The following CTSF variants were observed in gnomAD, a reference collection of about 807,000 sequenced individuals.
The protein encoded by CTSF is cathepsin F.
Under a neutral mutation model 63.5 loss-of-function variants are expected in CTSF, and 65 were observed. The observed-to-expected ratio is 1.02, with a 90% CI of 0.84 to 1.26. The LOEUF (loss-of-function observed/expected upper bound fraction) is 1.26. Among genes scored for constraint, CTSF ranks in the 50% most tolerant of loss-of-function variants. The pLI is 0.00. For synonymous variants in CTSF, 256 were observed against 258.1 expected (o/e 0.99, Z 0.08); for missense variants, 641 against 631.0 (o/e 1.02, Z -0.17).
In CTSF at chr11:66,567,655, C is replaced by G. The variant is rs765914720; in HGVS notation, c.320G>C (p.Ser107Thr). 4.3e-6 allele frequency: 7 copies of G among 1,613,570 alleles called. No homozygotes were observed. In the South Asian group the frequency reaches 7.7e-5, roughly 18 times the overall value. Residue 107 changes from serine to threonine, a missense_variant, in exon 3 of 13, where the codon AGC becomes ACC. Ser to Thr is a moderately conservative substitution (Grantham distance 58, BLOSUM62 1). Coordinates refer to ENST00000310325, the MANE Select transcript of CTSF (RefSeq NM_003793.4). ...TCCGAGCTCATCCAGGACTTGGAAG[C>G]TGCAGAGCTGGAGGGAGAGGAAGAA... ...LPVSKKTLLCSFQVLDELGRH... is the reference protein window; with the variant it reads ...LPVSKKTLLCTFQVLDELGRH...
rs140002533 is a variant in CTSF, at chr11:66,566,109, C to T, written c.780G>A (p.Lys260=). ...CACCCACAGACTTGGCTTGCTTCAT[C>T]TTGTTGCCAGGCTCTTTCCTCAGGA... is the stretch of plus-strand genomic sequence containing the variant. The part of the protein sequence containing the change: ...NTLLRKEPGN[K]MKQAKSVGDL... The change falls in exon 6 of 13, where the codon AAG becomes AAA. Residue 260 remains lysine, a synonymous_variant. Transcript: ENST00000310325. 392 of 1,614,156 alleles carry T rather than the reference C, an allele frequency of 2.4e-4. No individual in the cohort carries two copies. Among genetic ancestry groups the T allele is most frequent in the Non-Finnish European group, 3.2e-4 (376 of 1,180,018 alleles).
rs1241025829 is a variant in CTSF, at chr11:66,564,156, A to G, written c.1322-10T>C. 5 of 1,608,680 alleles carry G rather than the reference A, an allele frequency of 3.1e-6. No individual in the cohort carries two copies. Among genetic ancestry groups the G allele is most frequent in the Non-Finnish European group, 3.4e-6 (4 of 1,177,636 alleles). On this transcript the variant is annotated splice_polypyrimidine_tract_variant and intron_variant, in intron 11 of 12. Coordinates refer to ENST00000310325, the MANE Select transcript of CTSF (RefSeq NM_003793.4). ...AAGGGAACGTCAGAGCCTGGGGTGC[A>G]GTGCAGAGCGCAAGGATCAGGGTCC...
intron 11 of CTSF, 59 bp downstream of exon 11, chr11:66,564,499 G>A: frequency 7.1e-7 from 1 of 1,411,390 alleles, no homozygotes. Context: ...GACCTGAGAT[G>A]CTGTGATCCC....
rs1127894 is a variant in CTSF, at chr11:66,568,077, A to C, written c.219T>G (p.Gly73=). 8 of 1,584,308 alleles carry C rather than the reference A, an allele frequency of 5.0e-6. No homozygotes were observed. Among genetic ancestry groups the C allele is most frequent in the East Asian group, 4.7e-5 (2 of 42,874 alleles). Residue 73 remains glycine, a synonymous_variant, in exon 2 of 13, where the codon GGT becomes GGG. Transcript: ENST00000310325. ...GLVRGRVRRA[G]QGSLYSLEAT... ...CCTCCAGGGAGTACAGCGACCCCTGACCCGCCTGGAGAGAGGAGTAGGTGA... is the reference window on the plus strand; with the variant it reads ...CCTCCAGGGAGTACAGCGACCCCTGCCCCGCCTGGAGAGAGGAGTAGGTGA...
At position 66,568,413 on chromosome 11, in the gene CTSF, C is replaced by T; in HGVS notation, c.74G>A (p.Arg25Gln). 1 of 1,334,406 alleles carries T rather than the reference C, an allele frequency of 7.5e-7. No individual in the cohort carries two copies. The highest frequency in any genetic ancestry group is 9.5e-7 in the Non-Finnish European group (1 of 1,051,478). 82.7% of individuals were successfully genotyped at this position (1,334,406 alleles called of 1,614,324 possible). The change falls in exon 1 of 13, where the codon CGA (arginine) becomes CAA (glutamine). Residue 25 changes from arginine (R) to glutamine (Q), a missense_variant. Arg to Gln is a conservative substitution (Grantham distance 43, BLOSUM62 1). Coordinates refer to ENST00000310325, the MANE Select transcript of CTSF (RefSeq NM_003793.4). ...PGAVAAPAQP[R>Q]AASFQAWGPP... ...CCCCCAGGCCTGAAAGCTGGCGGCT[C>T]GGGGCTGGGCGGGGGCGGCCACTGC...
Position 66,563,627 on chromosome 11 carries a change from T to C in CTSF, c.*306A>G. ...GAGCTGGGCTTAAGATCAGAAAATTTTCTTCCTGCTCATTACCCAAGCCCA... is the reference window on the plus strand; with the variant it reads ...GAGCTGGGCTTAAGATCAGAAAATTCTCTTCCTGCTCATTACCCAAGCCCA... On this transcript the variant is annotated 3_prime_UTR_variant, in exon 13 of 13. Coordinates refer to ENST00000310325, the MANE Select transcript of CTSF (RefSeq NM_003793.4). 1 of 542,136 alleles carries C rather than the reference T, an allele frequency of 1.8e-6. No individual in the cohort carries two copies. Among genetic ancestry groups the C allele is most frequent in the Non-Finnish European group, 3.3e-6 (1 of 303,018 alleles). 33.6% of individuals were successfully genotyped at this position (542,136 alleles called of 1,614,324 possible).
intron 1 of CTSF, 95 bp downstream of exon 1, chr11:66,568,179 G>C (rs1332879959): frequency 1.3e-6 from 2 of 1,539,440 alleles, no homozygotes; most frequent in East Asian, 2.4e-5. Context: ...ACCAGAGATC[G>C]GTTCGTCCAG....
chr11:66,565,172 C>G (rs780730804), intron 8 of CTSF, among the ~76,000 whole-genome samples, 166 bp from the exon 9 acceptor site: 1 of 152,196 alleles, frequency 6.6e-6, no homozygotes, highest in Middle Eastern at 3.2e-3. Flanking sequence ...ACATCTGAGG[C>G]TGGGAGAGAT....
Position 66,563,783 on chromosome 11 carries a change from G to A in CTSF, c.*150C>T. On this transcript the variant is annotated 3_prime_UTR_variant, in exon 13 of 13. Coordinates refer to ENST00000310325, the MANE Select transcript of CTSF (RefSeq NM_003793.4). The stretch of plus-strand genomic sequence containing the variant: ...AATGGGGTGCAGGGAAGCAGGGGCT[G>A]TGCCCCAGCCCAGTGCCCTCTGCTC... The A allele has an allele frequency of 1.1e-6, 1 of 902,450 alleles. No homozygotes were observed. The highest frequency in any genetic ancestry group is 2.7e-5 in the East Asian group (1 of 37,676). 55.9% of individuals were successfully genotyped at this position (902,450 alleles called of 1,614,324 possible). A position where few individuals can be genotyped will look rare whatever the true frequency, so the allele number is the denominator to read the frequency against.
chr11:66,567,945 G>T (rs763325054), intron 2 of CTSF, 39 bp downstream of exon 2: 3 of 1,552,610 alleles, frequency 1.9e-6, no homozygotes, highest in Non-Finnish European at 2.6e-6. Flanking sequence ...TGCTTTACTC[G>T]GCCTCGGGGC....
rs561763180 is a variant in CTSF at position 66,566,546 on chromosome 11, A to G, written c.608-142T>C. On this transcript the variant is annotated intron_variant, in intron 4 of 12. Coordinates refer to ENST00000310325, the MANE Select transcript of CTSF (RefSeq NM_003793.4). The stretch of plus-strand genomic sequence containing the variant: ...TGCAAGTGATGGAGTGGGAGGTCTG[A>G]TCAACTTTTAGGGCCAAACTGAAGT... The G allele has an allele frequency of 3.9e-5, 28 of 726,042 alleles. No homozygotes were observed. In the Admixed American group the frequency reaches 6.2e-4, roughly 16 times the overall value. 45.0% of individuals were successfully genotyped at this position (726,042 alleles called of 1,614,324 possible).
intron 4 of CTSF, among the ~76,000 whole-genome samples, chr11:66,567,033 C>T (rs1350721511): frequency 6.6e-6 from 1 of 152,026 alleles, no homozygotes; most frequent in East Asian, 1.9e-4. Flanking sequence ...CGGCCAAGAC[C>T]CATGGCTTCT....
At chr11:66,567,710 G>A in intron 2 of CTSF, 48 bp from the exon 3 acceptor site, 2 of 1,581,302 alleles carry the variant, frequency 1.3e-6, no homozygotes, top group Non-Finnish European at 1.7e-6. Context: ...TCTGGATCTG[G>A]GGAGCAAGAT....
chr11:66,564,430 G>A (rs917269107), intron 11 of CTSF, 128 bp downstream of exon 11: 4 of 908,810 alleles, frequency 4.4e-6, no homozygotes, highest in Admixed American at 2.8e-5. Context: ...AGCTGGTCAT[G>A]GCCCAGGCAG....
At position 66,568,330 on chromosome 11, in the gene CTSF, C is replaced by A; in HGVS notation, c.157G>T (p.Gly53Cys). The A allele has an allele frequency of 7.6e-7, 1 of 1,313,356 alleles. No homozygotes were observed. 81.4% of individuals were successfully genotyped at this position (1,313,356 alleles called of 1,614,324 possible). ...ACGGCCCGCGTCCCCGCAGCCCGGCCGCGGTTGAACATCTCCAGCGCGAAG... is the reference window on the plus strand; with the variant it reads ...ACGGCCCGCGTCCCCGCAGCCCGGCAGCGGTTGAACATCTCCAGCGCGAAG... Reference protein sequence around the residue: ...TRFALEMFNRGRAAGTRAVLG... With the variant: ...TRFALEMFNRCRAAGTRAVLG... Residue 53 changes from glycine to cysteine, a missense_variant, in exon 1 of 13, where the codon GGC becomes TGC. Transcript: ENST00000310325.
Position 66,563,615 on chromosome 11 carries a change from G to A in CTSF, c.*318C>T. ...GGGGGCAGAACAGAGCTGGGCTTAAGATCAGAAAATTTTCTTCCTGCTCAT... is the reference window on the plus strand; with the variant it reads ...GGGGGCAGAACAGAGCTGGGCTTAAAATCAGAAAATTTTCTTCCTGCTCAT... On this transcript the variant is annotated 3_prime_UTR_variant, in exon 13 of 13. Coordinates refer to ENST00000310325, the MANE Select transcript of CTSF (RefSeq NM_003793.4). 1.8e-6 allele frequency: 1 copy of A among 541,210 alleles called. No homozygotes were observed. The highest frequency in any genetic ancestry group is 3.3e-6 in the Non-Finnish European group (1 of 302,336). The allele number at this position is 541,210 out of a possible 1,614,324, so 33.5% of individuals were successfully genotyped here.
chr11:66,567,373 G>T (rs749730056), intron 3 of CTSF, 52 bp from the exon 4 acceptor site: 3 of 1,613,070 alleles, frequency 1.9e-6, no homozygotes, highest in South Asian at 1.1e-5. Flanking sequence ...ACTCCAGAGG[G>T]AAGGGAGAAG....
chr11:66,564,917 C>G lies in CTSF; in HGVS notation c.1135G>C (p.Asp379His). Reference sequence around the variant, plus strand: ...TCGTTCTGGCTCAGCTCCACGGAGTCATTGATGTAGACCTTGGCCTTCTCT... The same window carrying G: ...TCGTTCTGGCTCAGCTCCACGGAGTGATTGATGTAGACCTTGGCCTTCTCT... ...SAEKAKVYIN[D>H]SVELSQNEQK... The change falls in exon 9 of 13, where the codon GAC becomes CAC. Residue 379 changes from aspartate (D) to histidine (H), a missense_variant. Asp to His is a moderately conservative substitution (Grantham distance 81). Transcript: ENST00000310325. 6.2e-7 allele frequency: 1 copy of G among 1,610,102 alleles called. No individual in the cohort carries two copies. Among genetic ancestry groups the G allele is most frequent in the East Asian group, 2.2e-5 (1 of 44,768 alleles).
Position 66,564,730 on chromosome 11 carries a change from C to T in CTSF, c.1230+12G>A. 1 of 1,613,904 alleles carries T rather than the reference C, an allele frequency of 6.2e-7. No individual in the cohort carries two copies. Among genetic ancestry groups the T allele is most frequent in the South Asian group, 1.1e-5 (1 of 91,082 alleles). Reference sequence around the variant, plus strand: ...AAGAGATGGGGCAGGGGCAGTGGGGCTAGGGCCTCACCTGCATGCCAAAGG... The same window carrying T: ...AAGAGATGGGGCAGGGGCAGTGGGGTTAGGGCCTCACCTGCATGCCAAAGG... On this transcript the variant is annotated intron_variant, in intron 10 of 12. Coordinates refer to ENST00000310325, the MANE Select transcript of CTSF (RefSeq NM_003793.4).
Sources: gnomAD v4.1 joint callset for allele counts (sites outside exome capture counted in the v4.1 genomes callset) on GRCh38, gnomAD v4.1.1 for gene constraint, MANE v1.5 for transcripts, NCBI Gene and HGNC (gene_info 2026-07-23, HGNC 2026-07-21) for gene names.